Variants in SYNDIG1 observed in about 807,000 individuals in gnomAD.
SYNDIG1 encodes synapse differentiation inducing 1.
In SYNDIG1, 9 loss-of-function variants were observed where a neutral mutation model predicts 19.4. That is an observed-to-expected ratio of 0.46 (90% CI 0.28 to 0.81). The LOEUF (loss-of-function observed/expected upper bound fraction) is 0.81. Ranked by LOEUF, SYNDIG1 falls within the 30% of genes least tolerant of loss-of-function variation. The pLI, the probability that SYNDIG1 is intolerant of heterozygous loss-of-function variation, is 0.12. For missense variants in SYNDIG1, 311 were observed against 343.3 expected, an observed-to-expected ratio of 0.91 and a Z score of 0.74; for synonymous variants, 141 against 145.9, an observed-to-expected ratio of 0.97 and a Z score of 0.24.
intron 1 of SYNDIG1, among the ~76,000 whole-genome samples, chr20:24,500,533 C>T (rs759357356): frequency 0.045 from 4,673 of 104,084 alleles, 122 homozygotes; most frequent in African/African-American, 0.12. Context: ...TTTCTTTCTT[C>T]TTTCTTTCTT....
intron 3 of SYNDIG1, among the ~76,000 whole-genome samples, chr20:24,637,016 G>A (rs188655859): frequency 6.6e-5 from 10 of 152,348 alleles, no homozygotes; most frequent in Non-Finnish European, 1.2e-4. Flanking sequence ...CCTGCACATG[G>A]GAAGTCATTG....
Position 24,609,054 on chromosome 20 carries a change from G to A in SYNDIG1, c.618+24061G>A, listed in dbSNP as rs146041771. ...GGGAATCCAGGGCTATTTTACGTACGTCTCAGTGTCATGGGTGTTTTAAAG... is the reference window on the plus strand; with the variant it reads ...GGGAATCCAGGGCTATTTTACGTACATCTCAGTGTCATGGGTGTTTTAAAG... On this transcript the variant is annotated intron_variant, in intron 3 of 3. Transcript: ENST00000376862. Among the ~76,000 whole-genome samples the A allele has an allele frequency of 3.5e-4, 53 of 152,258 alleles. No homozygotes were observed. The East Asian group carries it at 4.8e-3, about 14-fold the overall frequency.
intron 2 of SYNDIG1, among the ~76,000 whole-genome samples, chr20:24,555,695 T>C (rs1395829378): frequency 6.6e-6 from 1 of 152,214 alleles, no homozygotes; most frequent in Non-Finnish European, 1.5e-5. Context: ...TCTGTTCTTT[T>C]ACATTTGCTG....
rs563684881 is a variant in SYNDIG1 at position 24,507,786 on chromosome 20, G to A, written c.-78-35234G>A. On this transcript the variant is annotated intron_variant, in intron 1 of 3. Transcript: ENST00000376862. Reference sequence around the variant, plus strand: ...GAAGCAGGCAGCAGGGGCCTCCTGCGGCCATCTGTTTCCTCCTGTCCAGGA... The same window carrying A: ...GAAGCAGGCAGCAGGGGCCTCCTGCAGCCATCTGTTTCCTCCTGTCCAGGA... 7.2e-5 allele frequency among the ~76,000 whole-genome samples: 11 copies of A among 152,306 alleles called. No homozygotes were observed. In the South Asian group the frequency reaches 1.5e-3, roughly 20 times the overall value.
At chr20:24,501,487 C>T (rs2056453035) in intron 1 of SYNDIG1, among the ~76,000 whole-genome samples, 1 of 152,130 alleles carries the variant, frequency 6.6e-6, no homozygotes, top group East Asian at 1.9e-4. Flanking sequence ...TGTGCCCAGC[C>T]GTTTATGTGG....
At chr20:24,623,350 A>C (rs2059068784) in intron 3 of SYNDIG1, among the ~76,000 whole-genome samples, 1 of 152,242 alleles carries the variant, frequency 6.6e-6, no homozygotes, top group Non-Finnish European at 1.5e-5. Context: ...TCAGATAAAC[A>C]GCTGATGGAA....
intron 2 of SYNDIG1, among the ~76,000 whole-genome samples, chr20:24,557,621 A>G (rs1430859314): frequency 5.3e-5 from 8 of 152,014 alleles, no homozygotes; most frequent in African/African-American, 1.9e-4. Context: ...AGAACAGTGG[A>G]TTTTCGTGAA....
At chr20:24,662,005 G>A (rs1234521218) in intron 3 of SYNDIG1, among the ~76,000 whole-genome samples, 1 of 152,042 alleles carries the variant, frequency 6.6e-6, no homozygotes, top group African/African-American at 2.4e-5. Context: ...TTCTCATCAC[G>A]AAGCCATGAC....
chr20:24,500,495 T>C lies in SYNDIG1; in HGVS notation c.-79+30742T>C, dbSNP rs62215263. ...ATTCTTTTCTTTCTTTCTTTCTTTC[T>C]TTCTTTCTTTCTTTCTTTCTTTCTT... On this transcript the variant is annotated intron_variant, in intron 1 of 3. Transcript: ENST00000376862. Among the ~76,000 whole-genome samples the C allele has an allele frequency of 2.3e-3, 267 of 114,198 alleles. 3 individuals are homozygous for C. The highest frequency in any genetic ancestry group is 4.0e-3 in the South Asian group (16 of 3,966). The allele number at this position is 114,198 out of a possible 152,430, so 74.9% of individuals were successfully genotyped here. A position where few individuals can be genotyped will look rare whatever the true frequency, so the allele number is the denominator to read the frequency against.
chr20:24,555,394 G>A (rs1057314280), intron 2 of SYNDIG1, among the ~76,000 whole-genome samples: 15 of 152,156 alleles, frequency 9.9e-5, no homozygotes, highest in East Asian at 5.8e-4. Flanking sequence ...TAATTGTGAC[G>A]TTAGGGTGTC....
At chr20:24,525,286 C>CTTTTTTTTTTTTT in intron 1 of SYNDIG1, among the ~76,000 whole-genome samples, 1 of 106,556 alleles carries the variant, frequency 9.4e-6, no homozygotes, top group Non-Finnish European at 1.9e-5. Flanking sequence ...TCTTCTTCTT[C>CTTTTTTTTTTTTT]TTTTTTTTTT....
At chr20:24,651,739 G>A (rs977863536) in intron 3 of SYNDIG1, among the ~76,000 whole-genome samples, 2 of 152,200 alleles carry the variant, frequency 1.3e-5, no homozygotes, top group African/African-American at 4.8e-5. Flanking sequence ...GCCCCACTGA[G>A]CCACTCGTAA....
intron 3 of SYNDIG1, among the ~76,000 whole-genome samples, chr20:24,660,644 C>G (rs62215348): frequency 0.074 from 11,308 of 152,288 alleles, 459 homozygotes; most frequent in Non-Finnish European, 0.089. Context: ...GAGGCTTGTG[C>G]TCTCGTACAC....
intron 3 of SYNDIG1, among the ~76,000 whole-genome samples, chr20:24,623,092 T>C (rs950100606): frequency 6.6e-6 from 1 of 151,952 alleles, no homozygotes; most frequent in African/African-American, 2.4e-5. Context: ...GACAGGAGAA[T>C]TGCTTGAACA....
At chr20:24,657,198 G>A (rs917360274) in intron 3 of SYNDIG1, among the ~76,000 whole-genome samples, 1 of 152,202 alleles carries the variant, frequency 6.6e-6, no homozygotes, top group African/African-American at 2.4e-5. Flanking sequence ...TGCAAGGAGG[G>A]CCAAACACAG....
chr20:24,545,546 T>C (rs2057559644), intron 2 of SYNDIG1, among the ~76,000 whole-genome samples: 1 of 152,116 alleles, frequency 6.6e-6, no homozygotes, highest in African/African-American at 2.4e-5. Flanking sequence ...TCTGGGGCCC[T>C]GAGCTCAATG....
chr20:24,550,700 C>T (rs1274896198), intron 2 of SYNDIG1, among the ~76,000 whole-genome samples: 2 of 151,910 alleles, frequency 1.3e-5, no homozygotes, highest in African/African-American at 2.4e-5. Context: ...TTAGTAGATA[C>T]GGGGTTTCAC....
chr20:24,543,049 C>G lies in SYNDIG1; in HGVS notation c.-49C>G. 6.3e-7 allele frequency: 1 copy of G among 1,582,142 alleles called. No individual in the cohort carries two copies. The highest frequency in any genetic ancestry group is 1.2e-5 in the South Asian group (1 of 85,750). ...AATGGCTTCCCTGAGGCAAGTGTAA[C>G]CTACATTCCCAGCCCACCAGCCTGA... On this transcript the variant is annotated 5_prime_UTR_variant, in exon 2 of 4. Transcript: ENST00000376862.
intron 3 of SYNDIG1, among the ~76,000 whole-genome samples, chr20:24,652,394 C>T (rs527706364): frequency 5.3e-4 from 80 of 152,266 alleles, no homozygotes; most frequent in African/African-American, 1.8e-3. Flanking sequence ...TACCGAGGAA[C>T]GTTCACAAAA....
Sources: allele counts gnomAD v4.1 joint callset (sites outside exome capture counted in the v4.1 genomes callset), GRCh38; gene constraint gnomAD v4.1.1; transcripts MANE v1.5; gene names NCBI Gene and HGNC (gene_info 2026-07-23, HGNC 2026-07-21).